ARRDC3: variants seen among roughly 807,000 people sequenced by gnomAD.
ARRDC3 encodes the protein arrestin domain containing 3.
In ARRDC3, 10 loss-of-function variants were observed where a neutral mutation model predicts 47.2. The observed-to-expected ratio is 0.21, with a 90% CI of 0.13 to 0.36. The LOEUF is 0.36. Among genes scored for constraint, ARRDC3 ranks in the 10% least tolerant of loss-of-function variants. ARRDC3 has a pLI of 1.00. For synonymous variants in ARRDC3, 156 were observed against 178.3 expected (o/e 0.87, Z 1.00); for missense variants, 381 against 503.6 (o/e 0.76, Z 2.33).
intron 7 of ARRDC3, among the ~76,000 whole-genome samples, chr5:91,372,591 G>A (rs935086303): frequency 3.9e-5 from 6 of 152,182 alleles, no homozygotes; most frequent in African/African-American, 1.4e-4. Context: ...AATAGAAATT[G>A]TATGTATTAG....
chr5:91,374,546 A>G (rs1360684767), intron 5 of ARRDC3, among the ~76,000 whole-genome samples: 1 of 152,134 alleles, frequency 6.6e-6, no homozygotes, highest in Non-Finnish European at 1.5e-5. Context: ...AGACAAAACT[A>G]TGTCATAACT....
intron 7 of ARRDC3, 69 bp from the exon 8 acceptor site, chr5:91,371,525 C>T: frequency 1.6e-6 from 2 of 1,214,766 alleles, no homozygotes; most frequent in Non-Finnish European, 2.4e-6. Context: ...TAGCAAATGA[C>T]TACAATTCTG....
At chr5:91,371,681 C>G (rs1013759748) in intron 7 of ARRDC3, among the ~76,000 whole-genome samples, 1 of 152,074 alleles carries the variant, frequency 6.6e-6, no homozygotes, top group African/African-American at 2.4e-5. Flanking sequence ...ACTAGATTAA[C>G]AAGCTTTATA....
rs371971226 is a variant in ARRDC3 at position 91,375,040 on chromosome 5, C to G, written c.752G>C (p.Arg251Pro). The part of the protein sequence containing the change: ...KEVKQLVANL[R>P]GESLSSGKTE... Reference sequence around the variant, plus strand: ...CTTTCCAGATGATAAGGATTCCCCACGCAAGTTAGCCACAAGCTGTTTTAC... The same window carrying G: ...CTTTCCAGATGATAAGGATTCCCCAGGCAAGTTAGCCACAAGCTGTTTTAC... Residue 251 changes from arginine to proline, a missense_variant, in exon 5 of 8, where the codon CGT (arginine) becomes CCT (proline). Arg to Pro is a moderately radical substitution (Grantham distance 103). Transcript: ENST00000265138. 1 of 1,614,066 alleles carries G rather than the reference C, an allele frequency of 6.2e-7. No homozygotes were observed. Among genetic ancestry groups the G allele is most frequent in the African/African-American group, 1.3e-5 (1 of 74,918 alleles).
intron 7 of ARRDC3, among the ~76,000 whole-genome samples, chr5:91,372,681 C>T (rs1799207913): frequency 6.6e-6 from 1 of 151,966 alleles, no homozygotes; most frequent in Non-Finnish European, 1.5e-5. Context: ...CTCATATCAT[C>T]ACAACCAAAG....
chr5:91,371,131 A>G lies in ARRDC3; in HGVS notation c.*269T>C, dbSNP rs776098054. The stretch of plus-strand genomic sequence containing the variant: ...TCCCTCTTTACAACGTGATGTCTTG[A>G]CACGTACGACCATAGGCTAAGAAGA... On this transcript the variant is annotated 3_prime_UTR_variant, in exon 8 of 8. Transcript: ENST00000265138. 1 of 396,902 alleles carries G rather than the reference A, an allele frequency of 2.5e-6. No individual in the cohort carries two copies. Among genetic ancestry groups the G allele is most frequent in the Non-Finnish European group, 4.5e-6 (1 of 222,074 alleles). 24.6% of individuals were successfully genotyped at this position (396,902 alleles called of 1,614,324 possible).
rs920018288 is a variant in ARRDC3 at position 91,368,921 on chromosome 5, CTT to C, written c.*2477_*2478del. The C allele has an allele frequency of 6.6e-6, 1 of 152,552 alleles. No homozygotes were observed. Among genetic ancestry groups the C allele is most frequent in the African/African-American group, 2.4e-5 (1 of 41,428 alleles). The allele number at this position is 152,552 out of a possible 1,614,324, so 9.4% of individuals were successfully genotyped here. ...TATAAAGCAAACATTTAATATTGCA[CTT>C]TGTTTTGCTAACATTTTGGATTTTA... On this transcript the variant is annotated 3_prime_UTR_variant, in exon 8 of 8. Coordinates refer to ENST00000265138, the MANE Select transcript of ARRDC3 (RefSeq NM_020801.4).
intron 7 of ARRDC3, 59 bp downstream of exon 7, chr5:91,373,625 C>A: frequency 2.7e-6 from 4 of 1,498,658 alleles, no homozygotes; most frequent in South Asian, 1.3e-5. Context: ...AAAAAAATGC[C>A]TGCAATGCTA....
chr5:91,373,480 T>C (rs1018579559), intron 7 of ARRDC3, among the ~76,000 whole-genome samples: 1 of 152,234 alleles, frequency 6.6e-6, no homozygotes, highest in Non-Finnish European at 1.5e-5. Context: ...ATTATCTTAA[T>C]TCCCTAATAA....
intron 3 of ARRDC3, 109 bp from the exon 4 acceptor site, chr5:91,375,722 T>C (rs1799285735): frequency 1.4e-6 from 1 of 710,644 alleles, no homozygotes. Flanking sequence ...AAATTACAAC[T>C]GGTTTTGCTT....
At position 91,373,793 on chromosome 5, in the gene ARRDC3, T is replaced by C; in HGVS notation, c.1079A>G (p.Asn360Ser). ...AEVVTEEQRR[N>S]NLAPVSACDD... Reference sequence around the variant, plus strand: ...ACAAGCACTCACTGGTGCAAGATTGTTCCGCCTTTGTTCCTCTGTTACCAC... The same window carrying C: ...ACAAGCACTCACTGGTGCAAGATTGCTCCGCCTTTGTTCCTCTGTTACCAC... Residue 360 changes from asparagine to serine, a missense_variant, in exon 7 of 8, where the codon AAC becomes AGC. Physicochemically the swap from Asn to Ser is conservative, Grantham distance 46 (BLOSUM62 1). Coordinates refer to ENST00000265138, the MANE Select transcript of ARRDC3 (RefSeq NM_020801.4). 6.2e-7 allele frequency: 1 copy of C among 1,614,100 alleles called. No individual in the cohort carries two copies.
At position 91,374,287 on chromosome 5, in the gene ARRDC3, C is replaced by T. The variant is rs1393898058; in HGVS notation, c.871-11G>A. On this transcript the variant is annotated splice_polypyrimidine_tract_variant and intron_variant, in intron 5 of 7. Coordinates refer to ENST00000265138, the MANE Select transcript of ARRDC3 (RefSeq NM_020801.4). ...AATATCCACATATACCTAAACATTG[C>T]AAAGAAATATTAAGTTTAGAATGCC... The T allele has an allele frequency of 1.3e-6, 2 of 1,599,340 alleles. No individual in the cohort carries two copies. Among genetic ancestry groups the T allele is most frequent in the Admixed American group, 1.7e-5 (1 of 57,592 alleles).
chr5:91,375,283 A>G, intron 4 of ARRDC3, 105 bp from the exon 5 acceptor site: 1 of 1,261,102 alleles, frequency 7.9e-7, no homozygotes, highest in Non-Finnish European at 1.1e-6. Flanking sequence ...ATACATGAAA[A>G]GATGTCCCAG....
chr5:91,376,215 C>T (rs905625138), intron 3 of ARRDC3, among the ~76,000 whole-genome samples: 2 of 151,868 alleles, frequency 1.3e-5, no homozygotes, highest in Non-Finnish European at 2.9e-5. Flanking sequence ...GACAACTATC[C>T]CTCTATTGGA....
At chr5:91,381,985 T>C (rs1022296182) in intron 1 of ARRDC3, among the ~76,000 whole-genome samples, 4 of 152,200 alleles carry the variant, frequency 2.6e-5, no homozygotes, top group Admixed American at 1.3e-4. Flanking sequence ...AGATTGGAAA[T>C]CTCAGGACTC....
At chr5:91,381,868 C>A (rs898196247) in intron 1 of ARRDC3, among the ~76,000 whole-genome samples, 7 of 152,160 alleles carry the variant, frequency 4.6e-5, no homozygotes, top group Non-Finnish European at 1.0e-4. Flanking sequence ...TCACCACCCC[C>A]CAGAACTGGT....
At chr5:91,371,650 T>G (rs1799181105) in intron 7 of ARRDC3, among the ~76,000 whole-genome samples, 194 bp from the exon 8 acceptor site, 1 of 152,174 alleles carries the variant, frequency 6.6e-6, no homozygotes, top group Non-Finnish European at 1.5e-5. Context: ...TGTTGGTACC[T>G]ACAGTACCTG....
intron 7 of ARRDC3, 107 bp downstream of exon 7, chr5:91,373,575 TTC>T (rs1453085235): frequency 3.6e-6 from 4 of 1,104,876 alleles, no homozygotes; most frequent in East Asian, 2.4e-5. Flanking sequence ...AAATTATTTG[TTC>T]TGTTAACATG....
In ARRDC3 at chr5:91,368,647, T is replaced by A. The variant is rs1340252034; in HGVS notation, c.*2753A>T. 2 of 152,242 alleles carry A rather than the reference T, an allele frequency of 1.3e-5. No homozygotes were observed. Among genetic ancestry groups the A allele is most frequent in the Admixed American group, 1.3e-4 (2 of 15,272 alleles). The allele number at this position is 152,242 out of a possible 1,614,324, so 9.4% of individuals were successfully genotyped here. A position where few individuals can be genotyped will look rare whatever the true frequency, so the allele number is the denominator to read the frequency against. Reference sequence around the variant, plus strand: ...TACCCAGAATGGCTTAAAATAGAGTTTAATAGTTTAATTTAATGTGTTTGC... The same window carrying A: ...TACCCAGAATGGCTTAAAATAGAGTATAATAGTTTAATTTAATGTGTTTGC... On this transcript the variant is annotated 3_prime_UTR_variant, in exon 8 of 8. Transcript: ENST00000265138.
Sources: gnomAD v4.1 joint callset for allele counts (sites outside exome capture counted in the v4.1 genomes callset) on GRCh38, gnomAD v4.1.1 for gene constraint, MANE v1.5 for transcripts, NCBI Gene and HGNC (gene_info 2026-07-23, HGNC 2026-07-21) for gene names.